The following DTNB variants were observed in gnomAD, a reference collection of about 807,000 sequenced individuals.
DTNB encodes the protein DTN-B.
A neutral mutation model predicts 90.7 loss-of-function variants in DTNB; 63 were observed. The ratio of observed to expected loss-of-function variants is 0.69; its 90% CI spans 0.57 to 0.86. DTNB has a LOEUF of 0.86. Ranked by LOEUF, DTNB falls within the 40% of genes least tolerant of loss-of-function variation. DTNB has a pLI of 0.00. For synonymous variants in DTNB, 277 were observed against 286.7 expected, an observed-to-expected ratio of 0.97 and a Z score of 0.34; for missense variants, 744 against 807.1, an observed-to-expected ratio of 0.92 and a Z score of 0.95.
chr2:25,456,550 C>T (rs1014861112), intron 10 of DTNB, among the ~76,000 whole-genome samples: 4 of 151,960 alleles, frequency 2.6e-5, no homozygotes, highest in Non-Finnish European at 5.9e-5. Flanking sequence ...GTGACTGATA[C>T]ATTTCTGGGT....
Position 25,529,121 on chromosome 2 carries a change from G to T in DTNB, c.1001+2352C>A, listed in dbSNP as rs549179287. Among the ~76,000 whole-genome samples, 26 of 152,296 alleles carry T rather than the reference G, an allele frequency of 1.7e-4. No individual in the cohort carries two copies. The South Asian group carries it at 2.3e-3, about 13-fold the overall frequency. Reference sequence around the variant, plus strand: ...AAAGTAGATTACTTAGTTCCTTATGGTAATTAAGACAGTGAGATATTGGCA... The same window carrying T: ...AAAGTAGATTACTTAGTTCCTTATGTTAATTAAGACAGTGAGATATTGGCA... On this transcript the variant is annotated intron_variant, in intron 9 of 20. Transcript: ENST00000406818.
chr2:25,652,213 CCT>C (rs1018284669), intron 2 of DTNB, among the ~76,000 whole-genome samples: 1 of 152,116 alleles, frequency 6.6e-6, no homozygotes, highest in African/African-American at 2.4e-5. Flanking sequence ...AACACTGAGT[CCT>C]CTCTGTCTCA....
chr2:25,440,992 G>C (rs1264889880), intron 12 of DTNB, among the ~76,000 whole-genome samples: 2 of 152,150 alleles, frequency 1.3e-5, no homozygotes. Flanking sequence ...CAACCCAGAA[G>C]ACCTCAAGGC....
Position 25,628,274 on chromosome 2 carries a change from AG to A in DTNB, c.258del (p.Ser87ProfsTer6). 1 of 1,613,270 alleles carries A rather than the reference AG, an allele frequency of 6.2e-7. No homozygotes were observed. Among genetic ancestry groups the A allele is most frequent in the Non-Finnish European group, 8.5e-7 (1 of 1,179,784 alleles). ...ISVSRLETVI[S>X]SIYYQLNKRL... ...CGCTTGTTCAACTGATAGTAGATGG[AG>A]GAGATGACAGTTTCGAGGCGGGACA... On this transcript the variant is annotated frameshift_variant, in exon 4 of 21. Coordinates refer to ENST00000406818, the MANE Select transcript of DTNB (RefSeq NM_021907.5). LOFTEE classifies it high-confidence loss of function.
intron 8 of DTNB, among the ~76,000 whole-genome samples, chr2:25,535,145 G>A (rs1304271824): frequency 6.8e-5 from 10 of 146,860 alleles, no homozygotes; most frequent in Non-Finnish European, 1.3e-4. Flanking sequence ...CTTCCCATTC[G>A]GGGCAACCGG....
chr2:25,472,034 C>A (rs1028031779), intron 10 of DTNB, among the ~76,000 whole-genome samples: 3 of 152,138 alleles, frequency 2.0e-5, no homozygotes, highest in Admixed American at 2.0e-4. Context: ...TTTGAAATAA[C>A]TGAAAAAGAA....
intron 5 of DTNB, chr2:25,599,168 C>G (rs1290201343): frequency 6.6e-6 from 1 of 150,538 alleles, no homozygotes; most frequent in East Asian, 1.9e-4. Flanking sequence ...CAAGGCATTT[C>G]AATGCAAGGA....
chr2:25,655,731 G>C lies in DTNB; in HGVS notation c.-1-3070C>G, dbSNP rs566184374. Among the ~76,000 whole-genome samples, 5 of 152,308 alleles carry C rather than the reference G, an allele frequency of 3.3e-5. No homozygotes were observed. In the South Asian group the frequency reaches 8.3e-4, roughly 25 times the overall value. On this transcript the variant is annotated intron_variant, in intron 1 of 20. Coordinates refer to ENST00000406818, the MANE Select transcript of DTNB (RefSeq NM_021907.5). ...AGGTATTAAGGAAGGAGTCAAAAGA[G>C]AGTCTGTATATCCCCTATCCCCTAC...
chr2:25,447,492 T>C (rs2058588111), intron 12 of DTNB, among the ~76,000 whole-genome samples: 1 of 150,070 alleles, frequency 6.7e-6, no homozygotes, highest in South Asian at 2.1e-4. Context: ...TGCTGGCAGC[T>C]AGTTATCTTT....
chr2:25,456,622 G>A lies in DTNB; in HGVS notation c.1080-1128C>T, dbSNP rs138747425. Among the ~76,000 whole-genome samples, 727 of 152,188 alleles carry A rather than the reference G, an allele frequency of 4.8e-3. 6 individuals carry two copies. The highest frequency in any genetic ancestry group is 0.017 in the African/African-American group (693 of 41,532). Reference sequence around the variant, plus strand: ...GAGTCTCGCTTTGTCTCCCAGGCTAGAGTGCAATGGCATGATCTCGGGTCA... The same window carrying A: ...GAGTCTCGCTTTGTCTCCCAGGCTAAAGTGCAATGGCATGATCTCGGGTCA... On this transcript the variant is annotated intron_variant, in intron 10 of 20. Transcript: ENST00000406818.
chr2:25,447,807 C>A (rs886156182), intron 12 of DTNB, among the ~76,000 whole-genome samples: 8 of 152,062 alleles, frequency 5.3e-5, no homozygotes, highest in Admixed American at 5.2e-4. Context: ...CCATGCCCGG[C>A]CTAGTTATCT....
intron 14 of DTNB, 75 bp downstream of exon 14, chr2:25,432,811 A>G: frequency 7.0e-7 from 1 of 1,425,032 alleles, no homozygotes; most frequent in Admixed American, 2.0e-5. Context: ...ATTCTACCCC[A>G]CTCCTTTGGT....
At chr2:25,383,739 T>C (rs1273321209) in intron 19 of DTNB, 97 bp downstream of exon 19, 2 of 1,610,342 alleles carry the variant, frequency 1.2e-6, no homozygotes, top group Admixed American at 1.7e-5. Context: ...CTGGGAAAGG[T>C]GGTGGCAGGG....
intron 16 of DTNB, among the ~76,000 whole-genome samples, chr2:25,400,442 T>C (rs549624728): frequency 6.6e-6 from 1 of 152,338 alleles, no homozygotes; most frequent in East Asian, 1.9e-4. Flanking sequence ...CAGTCTAGAA[T>C]ACGCGGCACA....
At chr2:25,509,451 G>A (rs901890655) in intron 9 of DTNB, among the ~76,000 whole-genome samples, 2 of 152,244 alleles carry the variant, frequency 1.3e-5, no homozygotes, top group African/African-American at 4.8e-5. Context: ...CCTTTAGCGA[G>A]GTTCCTTTAG....
rs12990690 is a variant in DTNB at position 25,634,265 on chromosome 2, G to A, written c.148+4749C>T. On this transcript the variant is annotated intron_variant, in intron 3 of 20. Transcript: ENST00000406818. ...GGGTCAGCCCCCCGCCCGGCCAGCC[G>A]CCCCGTCCGGGAGGGAGGTGGGGGG... Among the ~76,000 whole-genome samples, 20 of 118,082 alleles carry A rather than the reference G, an allele frequency of 1.7e-4. No homozygotes were observed. In the South Asian group the frequency reaches 5.7e-3, roughly 34 times the overall value. The allele number at this position is 118,082 out of a possible 152,430, so 77.5% of individuals were successfully genotyped here.
At chr2:25,566,269 G>C (rs980469447) in intron 8 of DTNB, among the ~76,000 whole-genome samples, 17 of 152,158 alleles carry the variant, frequency 1.1e-4, no homozygotes, top group African/African-American at 3.9e-4. Flanking sequence ...GGAAAATGGG[G>C]ACCTCAGCAC....
At chr2:25,395,952 T>C (rs1390729146) in intron 16 of DTNB, among the ~76,000 whole-genome samples, 1 of 152,196 alleles carries the variant, frequency 6.6e-6, no homozygotes, top group African/African-American at 2.4e-5. Flanking sequence ...TAATTAAATA[T>C]TCCCTCCCTC....
intron 3 of DTNB, among the ~76,000 whole-genome samples, chr2:25,633,900 C>T (rs553478601): frequency 5.3e-5 from 8 of 151,818 alleles, no homozygotes; most frequent in African/African-American, 1.2e-4. Flanking sequence ...TCTGCCCGGC[C>T]GCACCGTCTG....
Sources: allele counts gnomAD v4.1 joint callset (sites outside exome capture counted in the v4.1 genomes callset), GRCh38; gene constraint gnomAD v4.1.1; transcripts MANE v1.5; gene names NCBI Gene and HGNC (gene_info 2026-07-23, HGNC 2026-07-21).